Variants in GPC5 observed in about 807,000 individuals in gnomAD.
GPC5 encodes the protein glypican 5.
In GPC5, 47 loss-of-function variants were observed where a neutral mutation model predicts 53.9. The ratio of observed to expected loss-of-function variants is 0.87; its 90% confidence interval spans 0.69 to 1.11. The LOEUF (loss-of-function observed/expected upper bound fraction) is 1.11, where lower values mean the gene tolerates loss of function less well. GPC5 is among the 50% of genes most tolerant of loss of function. GPC5 has a pLI of 0.00. For missense variants in GPC5, 748 were observed against 713.1 expected, an observed-to-expected ratio of 1.05 and a Z score of -0.56; for synonymous variants, 286 against 263.3, an observed-to-expected ratio of 1.09 and a Z score of -0.84.
chr13:92,453,721 T>C (rs1421551396), intron 7 of GPC5, among the ~76,000 whole-genome samples: 1 of 152,046 alleles, frequency 6.6e-6, no homozygotes, highest in Non-Finnish European at 1.5e-5. Flanking sequence ...TTGAGGGAAA[T>C]GGAAGCATAG....
chr13:91,703,377 G>A (rs2036033134), intron 3 of GPC5, among the ~76,000 whole-genome samples: 3 of 152,094 alleles, frequency 2.0e-5, no homozygotes, highest in African/African-American at 7.2e-5. Flanking sequence ...GAGAGTTTTT[G>A]TCATGAAAGA....
chr13:92,074,895 A>G (rs1348638235), intron 6 of GPC5, among the ~76,000 whole-genome samples: 1 of 152,202 alleles, frequency 6.6e-6, no homozygotes, highest in Non-Finnish European at 1.5e-5. Context: ...CTAATAGTGT[A>G]TGTTCACACT....
At chr13:92,786,515 C>A (rs1361727644) in intron 7 of GPC5, among the ~76,000 whole-genome samples, 1 of 151,718 alleles carries the variant, frequency 6.6e-6, no homozygotes, top group Non-Finnish European at 1.5e-5. Context: ...TAAACAAAGG[C>A]AGAAGTGAAA....
chr13:92,558,084 G>A (rs1409187517), intron 7 of GPC5, among the ~76,000 whole-genome samples: 1 of 151,944 alleles, frequency 6.6e-6, no homozygotes, highest in East Asian at 1.9e-4. Flanking sequence ...AATAAAACAG[G>A]TAACTGGAAA....
chr13:91,451,591 A>G (rs79340523), intron 2 of GPC5, among the ~76,000 whole-genome samples: 4,368 of 150,010 alleles, frequency 0.029, 178 homozygotes, highest in East Asian at 0.18. Flanking sequence ...GGCTAGAATT[A>G]GCCTCTAGGA....
intron 7 of GPC5, among the ~76,000 whole-genome samples, chr13:92,440,714 G>T (rs1168158874): frequency 6.6e-6 from 1 of 152,088 alleles, no homozygotes; most frequent in Non-Finnish European, 1.5e-5. Context: ...TACATTCTCA[G>T]TATATATAAC....
At chr13:91,648,838 C>A (rs933466640) in intron 2 of GPC5, among the ~76,000 whole-genome samples, 1 of 152,164 alleles carries the variant, frequency 6.6e-6, no homozygotes, top group Non-Finnish European at 1.5e-5. Context: ...ATCCTTCCCA[C>A]TATGAGAATC....
At chr13:92,728,055 A>G (rs9301832) in intron 7 of GPC5, among the ~76,000 whole-genome samples, 8,409 of 151,536 alleles carry the variant, frequency 0.055, 643 homozygotes, top group East Asian at 0.33. Context: ...GGTGTTTTAA[A>G]AATGTAGAAC....
chr13:92,823,637 C>T (rs949227898), intron 7 of GPC5, among the ~76,000 whole-genome samples: 2 of 151,962 alleles, frequency 1.3e-5, no homozygotes. Context: ...CATTGAAAAA[C>T]TCATATTGAA....
In GPC5 at chr13:91,619,433, C is replaced by T. The variant is rs186718966; in HGVS notation, c.326-73754C>T. ...GATTTCGGCTGCTAAAATTAGAGTACGCTGTATTCAACTCTATGCACATTA... is the reference window on the plus strand; with the variant it reads ...GATTTCGGCTGCTAAAATTAGAGTATGCTGTATTCAACTCTATGCACATTA... On this transcript the variant is annotated intron_variant, in intron 2 of 7. Transcript: ENST00000377067. 7.2e-4 allele frequency among the ~76,000 whole-genome samples: 110 copies of T among 152,122 alleles called. 1 individual carries two copies. In the East Asian group the frequency reaches 0.014, roughly 19 times the overall value.
At chr13:92,018,742 A>G (rs532643211) in intron 6 of GPC5, among the ~76,000 whole-genome samples, 36 of 152,242 alleles carry the variant, frequency 2.4e-4, no homozygotes, top group Non-Finnish European at 4.9e-4. Context: ...ATGGGTTTTT[A>G]TAATTAGTTA....
intron 5 of GPC5, among the ~76,000 whole-genome samples, chr13:91,849,825 ACT>A (rs1238231661): frequency 6.6e-6 from 1 of 152,058 alleles, no homozygotes; most frequent in African/African-American, 2.4e-5. Flanking sequence ...TATTTTACTA[ACT>A]CTGATATACA....
At chr13:92,123,704 A>G (rs1443268485) in intron 6 of GPC5, among the ~76,000 whole-genome samples, 1 of 152,224 alleles carries the variant, frequency 6.6e-6, no homozygotes, top group African/African-American at 2.4e-5. Flanking sequence ...ATAAGGTCAG[A>G]GAAGTGTAGT....
chr13:91,434,750 G>A (rs1230927508), intron 1 of GPC5, among the ~76,000 whole-genome samples: 2 of 152,104 alleles, frequency 1.3e-5, no homozygotes, highest in Non-Finnish European at 2.9e-5. Context: ...TGATGGAGAT[G>A]GCATTGAATC....
rs2040651445 is a variant in GPC5, at chr13:92,010,551, T to C, written c.1401+102494T>C. 3.9e-5 allele frequency among the ~76,000 whole-genome samples: 6 copies of C among 152,196 alleles called. No homozygotes were observed. The South Asian group carries it at 1.2e-3, about 32-fold the overall frequency. On this transcript the variant is annotated intron_variant, in intron 6 of 7. Transcript: ENST00000377067. ...GCACTAAGCCCCAACATAATTAGAC[T>C]TGGAGACACTATTTTTGGGCAATAA...
At chr13:92,720,875 A>G (rs901673175) in intron 7 of GPC5, among the ~76,000 whole-genome samples, 2 of 152,096 alleles carry the variant, frequency 1.3e-5, no homozygotes, top group African/African-American at 4.8e-5. Flanking sequence ...GGACCATTCA[A>G]ACTTGTTAAT....
rs1028729936 is a variant in GPC5 at position 92,547,831 on chromosome 13, T to A, written c.1562-318451T>A. 1.1e-4 allele frequency among the ~76,000 whole-genome samples: 15 copies of A among 141,610 alleles called. 1 individual carries two copies. The highest frequency in any genetic ancestry group is 4.0e-4 in the African/African-American group (15 of 37,396). 92.9% of individuals were successfully genotyped at this position (141,610 alleles called of 152,430 possible). ...TATGCCTATTATTCTTTTTTTTTTT[T>A]TTTTTTTTTTTTCTTTTTGAGACGG... On this transcript the variant is annotated intron_variant, in intron 7 of 7. Transcript: ENST00000377067.
chr13:91,901,736 C>A (rs2039499589), intron 5 of GPC5, among the ~76,000 whole-genome samples: 1 of 151,966 alleles, frequency 6.6e-6, no homozygotes, highest in Non-Finnish European at 1.5e-5. Flanking sequence ...TTTCCCAGAC[C>A]TCCTTTTAAG....
intron 7 of GPC5, among the ~76,000 whole-genome samples, chr13:92,239,396 T>C (rs566305299): frequency 1.3e-5 from 2 of 152,128 alleles, no homozygotes; most frequent in African/African-American, 2.4e-5. Flanking sequence ...TACTTATTGA[T>C]GCAAAATCAT....
Sources: gnomAD v4.1 joint callset for allele counts (sites outside exome capture counted in the v4.1 genomes callset) on GRCh38, gnomAD v4.1.1 for gene constraint, MANE v1.5 for transcripts, NCBI Gene and HGNC (gene_info 2026-07-23, HGNC 2026-07-21) for gene names.